Variants in BORCS7 observed in about 807,000 individuals in gnomAD.
The protein encoded by BORCS7 is BLOC-1 related complex subunit 7, also known as BLOC-1-related complex subunit 7.
BORCS7 carries 20 observed loss-of-function variants against 17.5 expected under a neutral mutation model. The observed-to-expected ratio is 1.14, with a 90% CI of 0.80 to 1.66. BORCS7 has a LOEUF of 1.66. Among genes scored for constraint, BORCS7 ranks in the 40% most tolerant of loss-of-function variants. The pLI is 0.00. For missense variants in BORCS7, 122 were observed against 129.7 expected, an observed-to-expected ratio of 0.94 and a Z score of 0.29; for synonymous variants, 57 against 49.8, an observed-to-expected ratio of 1.14 and a Z score of -0.61.
rs1389065807 is a variant in BORCS7 at position 102,860,756 on chromosome 10, A to G, written c.248+215A>G. The G allele has an allele frequency of 2.8e-5, 17 of 610,044 alleles. No homozygotes were observed. In the Admixed American group the frequency reaches 5.0e-4, roughly 18 times the overall value. The allele number at this position is 610,044 out of a possible 1,614,324, so 37.8% of individuals were successfully genotyped here. A position where few individuals can be genotyped will look rare whatever the true frequency, so the allele number is the denominator to read the frequency against. ...CAGGAGCAGAGTCCACCCTTTATGA[A>G]CCTCCCCATGTTAAATTGAGGGCTC... On this transcript the variant is annotated intron_variant, in intron 3 of 4. Coordinates refer to ENST00000339834, the MANE Select transcript of BORCS7 (RefSeq NM_001136200.2).
At chr10:102,858,191 AGAGAGAGAGAGCGAGC>A (rs1453471304) in intron 1 of BORCS7, among the ~76,000 whole-genome samples, 4 of 92,180 alleles carry the variant, frequency 4.3e-5, no homozygotes, top group South Asian at 3.8e-4. Context: ...ATATATATAT[AGAGAGAGAGAGCGAGC>A]GAGAGAGAGA....
At chr10:102,857,382 C>T (rs1181879267) in intron 1 of BORCS7, among the ~76,000 whole-genome samples, 2 of 151,904 alleles carry the variant, frequency 1.3e-5, no homozygotes, top group Admixed American at 6.6e-5. Flanking sequence ...TTTCTGCCAT[C>T]GGTTTGTAAG....
intron 1 of BORCS7, among the ~76,000 whole-genome samples, chr10:102,856,909 C>CTACT (rs1844436606): frequency 6.6e-6 from 1 of 152,070 alleles, no homozygotes; most frequent in Non-Finnish European, 1.5e-5. Context: ...TTTTTCTTGG[C>CTACT]TACTTCTGTG....
At chr10:102,855,865 G>A (rs1395964250) in intron 1 of BORCS7, among the ~76,000 whole-genome samples, 3 of 152,136 alleles carry the variant, frequency 2.0e-5, no homozygotes, top group Non-Finnish European at 4.4e-5. Flanking sequence ...GGGTTCAAGC[G>A]ATTCTCCTGC....
At chr10:102,861,883 A>G (rs1844527142) in intron 3 of BORCS7, among the ~76,000 whole-genome samples, 1 of 152,200 alleles carries the variant, frequency 6.6e-6, no homozygotes, top group African/African-American at 2.4e-5. Context: ...TTGATTCCAT[A>G]TACACAGACT....
Position 102,863,069 on chromosome 10 carries a change from C to T in BORCS7, c.*145C>T. 2 of 686,066 alleles carry T rather than the reference C, an allele frequency of 2.9e-6. No homozygotes were observed. Among genetic ancestry groups the T allele is most frequent in the South Asian group, 3.5e-5 (2 of 56,534 alleles). The allele number at this position is 686,066 out of a possible 1,614,324, so 42.5% of individuals were successfully genotyped here. On this transcript the variant is annotated 3_prime_UTR_variant, in exon 5 of 5. Transcript: ENST00000339834. ...TCTGTGTTAGGGCCGGGCGCGGTAG[C>T]TCACGCCTGTAATCCCAGCACTTTG...
At chr10:102,854,800 C>G (rs1289893671) in intron 1 of BORCS7, among the ~76,000 whole-genome samples, 1 of 150,942 alleles carries the variant, frequency 6.6e-6, no homozygotes, top group Non-Finnish European at 1.5e-5. Flanking sequence ...TGGCACATGC[C>G]TGTAATCCCA....
chr10:102,854,460 G>C (rs1476015810), intron 1 of BORCS7, 33 bp downstream of exon 1: 2 of 1,510,786 alleles, frequency 1.3e-6, no homozygotes, highest in Non-Finnish European at 1.8e-6. Flanking sequence ...CGGCCTGATA[G>C]TCCGGGGAGT....
chr10:102,861,555 A>G (rs1461512693), intron 3 of BORCS7, among the ~76,000 whole-genome samples: 1 of 151,934 alleles, frequency 6.6e-6, no homozygotes, highest in African/African-American at 2.4e-5. Context: ...CGTCTCTACT[A>G]AAAATACAAA....
intron 1 of BORCS7, among the ~76,000 whole-genome samples, chr10:102,859,448 C>A (rs1414602987): frequency 6.8e-6 from 1 of 147,822 alleles, no homozygotes; most frequent in Non-Finnish European, 1.5e-5. Context: ...CATCTCCTTT[C>A]TTTTCTTTTT....
At position 102,862,936 on chromosome 10, in the gene BORCS7, A is replaced by G; in HGVS notation, c.*12A>G. 1 of 1,599,674 alleles carries G rather than the reference A, an allele frequency of 6.3e-7. No individual in the cohort carries two copies. The highest frequency in any genetic ancestry group is 8.6e-7 in the Non-Finnish European group (1 of 1,166,810). ...ATCTGTTGAAATAGAATGACATGTA[A>G]GAGTGCTGTAGGACTCCTTTGCCTA... On this transcript the variant is annotated 3_prime_UTR_variant, in exon 5 of 5. Transcript: ENST00000339834.
Position 102,863,036 on chromosome 10 carries a change from A to G in BORCS7, c.*112A>G, listed in dbSNP as rs1844544515. On this transcript the variant is annotated 3_prime_UTR_variant, in exon 5 of 5. Coordinates refer to ENST00000339834, the MANE Select transcript of BORCS7 (RefSeq NM_001136200.2). ...TATTTTCTTCTCCAAAAGTTAAGTT[A>G]GAAAAGTTCTGTGTTAGGGCCGGGC... 4 of 1,088,138 alleles carry G rather than the reference A, an allele frequency of 3.7e-6. No homozygotes were observed. The highest frequency in any genetic ancestry group is 4.2e-6 in the Non-Finnish European group (3 of 715,394). 67.4% of individuals were successfully genotyped at this position (1,088,138 alleles called of 1,614,324 possible).
chr10:102,856,195 C>T (rs985658612), intron 1 of BORCS7, among the ~76,000 whole-genome samples: 2 of 152,130 alleles, frequency 1.3e-5, no homozygotes, highest in Non-Finnish European at 2.9e-5. Flanking sequence ...TGCATGCCTG[C>T]GCTTCTCCTC....
Position 102,857,185 on chromosome 10 carries a change from C to T in BORCS7, c.141+2758C>T, listed in dbSNP as rs543655410. Among the ~76,000 whole-genome samples the T allele has an allele frequency of 7.9e-5, 12 of 152,248 alleles. No homozygotes were observed. The East Asian group carries it at 1.9e-3, about 25-fold the overall frequency. Reference sequence around the variant, plus strand: ...ACACTCCTGCCCCACTACATGCTCCCGGAGCAGCCAATGCTTCCCCATCAG... The same window carrying T: ...ACACTCCTGCCCCACTACATGCTCCTGGAGCAGCCAATGCTTCCCCATCAG... On this transcript the variant is annotated intron_variant, in intron 1 of 4. Transcript: ENST00000339834.
intron 1 of BORCS7, among the ~76,000 whole-genome samples, chr10:102,855,354 C>T (rs1367110914): frequency 6.6e-6 from 1 of 151,942 alleles, no homozygotes; most frequent in African/African-American, 2.4e-5. Flanking sequence ...GATGAGGTTT[C>T]ACCATGTTGG....
chr10:102,862,070 A>T, intron 3 of BORCS7, 90 bp from the exon 4 acceptor site: 1 of 1,271,804 alleles, frequency 7.9e-7, no homozygotes, highest in Non-Finnish European at 1.1e-6. Flanking sequence ...ACATAAGCTG[A>T]AATTTCTTCT....
Position 102,862,079 on chromosome 10 carries a change from C to T in BORCS7, c.249-81C>T, listed in dbSNP as rs563084503. ...GATGTGACATAAGCTGAAATTTCTT[C>T]TGCCTATATGTATTATCTGGTCATA... On this transcript the variant is annotated intron_variant, in intron 3 of 4. Coordinates refer to ENST00000339834, the MANE Select transcript of BORCS7 (RefSeq NM_001136200.2). 3.7e-5 allele frequency: 50 copies of T among 1,334,334 alleles called. No homozygotes were observed. The East Asian group carries it at 8.1e-4, about 22-fold the overall frequency. 82.7% of individuals were successfully genotyped at this position (1,334,334 alleles called of 1,614,324 possible).
chr10:102,863,861 A>C lies in BORCS7; in HGVS notation c.*937A>C, dbSNP rs1173724836. On this transcript the variant is annotated 3_prime_UTR_variant, in exon 5 of 5. Transcript: ENST00000339834. ...ATTCCTAGAATTTCTTTGTTGCTGTAATTCTTGATTAAGTGACCTTGACTT... is the reference window on the plus strand; with the variant it reads ...ATTCCTAGAATTTCTTTGTTGCTGTCATTCTTGATTAAGTGACCTTGACTT... The C allele has an allele frequency of 2.0e-5, 3 of 152,224 alleles. No homozygotes were observed. The highest frequency in any genetic ancestry group is 6.5e-5 in the Admixed American group (1 of 15,276). 9.4% of individuals were successfully genotyped at this position (152,224 alleles called of 1,614,324 possible). A position where few individuals can be genotyped will look rare whatever the true frequency, so the allele number is the denominator to read the frequency against.
At position 102,862,853 on chromosome 10, in the gene BORCS7, GTC is replaced by G; in HGVS notation, c.270-16_270-15del. 6.3e-7 allele frequency: 1 copy of G among 1,593,074 alleles called. No individual in the cohort carries two copies. ...TTATTGCTCATTTCAGATAAACCCT[GTC>G]TCTATTCTAATTCCTAGTGTTGAAC... On this transcript the variant is annotated intron_variant, in intron 4 of 4. Transcript: ENST00000339834.
Sources: gnomAD v4.1 joint callset for allele counts (sites outside exome capture counted in the v4.1 genomes callset) on GRCh38, gnomAD v4.1.1 for gene constraint, MANE v1.5 for transcripts, NCBI Gene and HGNC (gene_info 2026-07-23, HGNC 2026-07-21) for gene names.